The following DCDC2C variants were observed in gnomAD, a reference collection of about 807,000 sequenced individuals.
DCDC2C encodes doublecortin domain-containing protein 2C.
Under a neutral mutation model 45.0 loss-of-function variants are expected in DCDC2C, and 44 were observed. The observed-to-expected ratio is 0.98, with a 90% CI of 0.77 to 1.26. The LOEUF (loss-of-function observed/expected upper bound fraction) is 1.26, where lower values mean the gene tolerates loss of function less well. DCDC2C is among the 50% of genes most tolerant of loss of function. The pLI is 0.00. For missense variants in DCDC2C, 447 were observed against 468.9 expected, an observed-to-expected ratio of 0.95 and a Z score of 0.43; for synonymous variants, 187 against 178.8, an observed-to-expected ratio of 1.05 and a Z score of -0.37.
chr2:3,841,294 G>A (rs542362450), intron 10 of DCDC2C, among the ~76,000 whole-genome samples: 6 of 146,394 alleles, frequency 4.1e-5, no homozygotes, highest in East Asian at 2.0e-4. Flanking sequence ...ACAGACGCAC[G>A]GCAAGGAACG....
At chr2:3,742,190 T>G (rs1052289646) in intron 4 of DCDC2C, 142 bp downstream of exon 4, 11 of 1,052,824 alleles carry the variant, frequency 1.0e-5, no homozygotes, top group Admixed American at 7.0e-5. Flanking sequence ...CAGATAGTAT[T>G]TTCTCAGTCT....
intron 2 of DCDC2C, among the ~76,000 whole-genome samples, chr2:3,725,329 A>AG (rs1285039706): frequency 6.6e-6 from 1 of 151,734 alleles, no homozygotes; most frequent in African/African-American, 2.4e-5. Flanking sequence ...GTTGTGCAGC[A>AG]GAGGCCCCGG....
At chr2:3,781,272 C>G (rs1331736315) in intron 9 of DCDC2C, among the ~76,000 whole-genome samples, 1 of 152,240 alleles carries the variant, frequency 6.6e-6, no homozygotes, top group Non-Finnish European at 1.5e-5. Context: ...AACTGTAGTT[C>G]ACTTGGCATT....
In DCDC2C at chr2:3,713,863, C is replaced by G. The variant is rs1471342278; in HGVS notation, c.339+5263C>G. On this transcript the variant is annotated intron_variant, in intron 2 of 10. Coordinates refer to ENST00000399143, the MANE Select transcript of DCDC2C (RefSeq NM_001287444.2). ...GCAAGAGCTCAATAAGTAGTTAGTG[C>G]TATTATTATTCATAATGCCTTTAAA... 2.6e-5 allele frequency among the ~76,000 whole-genome samples: 4 copies of G among 152,338 alleles called. No individual in the cohort carries two copies. The East Asian group carries it at 7.7e-4, about 29-fold the overall frequency.
chr2:3,743,088 G>T (rs1483075615), intron 4 of DCDC2C, among the ~76,000 whole-genome samples: 1 of 152,192 alleles, frequency 6.6e-6, no homozygotes, highest in East Asian at 1.9e-4. Flanking sequence ...AACCAAAAGA[G>T]AACAGGGGCA....
intron 9 of DCDC2C, among the ~76,000 whole-genome samples, chr2:3,783,779 C>A (rs1388411494): frequency 6.6e-6 from 1 of 152,072 alleles, no homozygotes; most frequent in Admixed American, 6.5e-5. Context: ...GTAGAGGGGA[C>A]TAAAGATGAA....
At chr2:3,842,590 T>C (rs1047703288) in intron 10 of DCDC2C, among the ~76,000 whole-genome samples, 1 of 147,760 alleles carries the variant, frequency 6.8e-6, no homozygotes, top group Non-Finnish European at 1.5e-5. Context: ...CAGACAAGGT[T>C]CAGCTTTTAA....
intron 10 of DCDC2C, among the ~76,000 whole-genome samples, chr2:3,819,179 C>A (rs78397229): frequency 0.021 from 3,184 of 152,266 alleles, 128 homozygotes; most frequent in African/African-American, 0.073. Context: ...GCTGCTAAGC[C>A]AAGATCTGGG....
intron 4 of DCDC2C, among the ~76,000 whole-genome samples, chr2:3,745,841 T>C (rs113561549): frequency 1.3e-3 from 192 of 152,080 alleles, no homozygotes; most frequent in African/African-American, 4.3e-3. Context: ...TCCTGAGTAG[T>C]TGGGACTACA....
In DCDC2C at chr2:3,819,352, C is replaced by T. The variant is rs148702509; in HGVS notation, c.1066-27802C>T. On this transcript the variant is annotated intron_variant, in intron 10 of 10. Transcript: ENST00000399143. ...TTCCTTGGCCCAGTGGCCAGATATC[C>T]GGCACTTGAAGCAAGATCCTGGTGG... is the stretch of plus-strand genomic sequence containing the variant. Among the ~76,000 whole-genome samples, 1,194 of 152,322 alleles carry T rather than the reference C, an allele frequency of 7.8e-3. 14 individuals carry two copies. Among genetic ancestry groups the T allele is most frequent in the African/African-American group, 0.028 (1,143 of 41,554 alleles).
chr2:3,749,249 G>A (rs1294022461), intron 4 of DCDC2C, among the ~76,000 whole-genome samples: 2 of 152,070 alleles, frequency 1.3e-5, no homozygotes, highest in Non-Finnish European at 2.9e-5. Flanking sequence ...GTTGCATTTA[G>A]TGCTCACATT....
At chr2:3,749,467 A>T (rs989031454) in intron 4 of DCDC2C, among the ~76,000 whole-genome samples, 4 of 152,228 alleles carry the variant, frequency 2.6e-5, no homozygotes, top group African/African-American at 9.7e-5. Flanking sequence ...AACATCACAT[A>T]CAGGCTCACA....
chr2:3,786,736 G>A (rs926759246), intron 10 of DCDC2C, among the ~76,000 whole-genome samples: 1 of 152,274 alleles, frequency 6.6e-6, no homozygotes, highest in Non-Finnish European at 1.5e-5. Context: ...TCGTGTGGAT[G>A]TGCAGGCAGC....
In DCDC2C at chr2:3,741,873, C is replaced by T. The variant is rs1489354280; in HGVS notation, c.417-47C>T. ...ATATATTGAATTTTCAATGTTTCCC[C>T]CTCAAACTTAAGGTATTAATGGATG... On this transcript the variant is annotated intron_variant, in intron 3 of 10. Coordinates refer to ENST00000399143, the MANE Select transcript of DCDC2C (RefSeq NM_001287444.2). 13 of 1,502,070 alleles carry T rather than the reference C, an allele frequency of 8.7e-6. No homozygotes were observed. The East Asian group carries it at 2.0e-4, about 23-fold the overall frequency. The allele number at this position is 1,502,070 out of a possible 1,614,324, so 93.0% of individuals were successfully genotyped here.
intron 6 of DCDC2C, among the ~76,000 whole-genome samples, chr2:3,754,874 G>A (rs933185004): frequency 3.3e-5 from 5 of 152,220 alleles, no homozygotes; most frequent in Non-Finnish European, 7.3e-5. Context: ...ACACACATAG[G>A]TATTTATAAT....
At chr2:3,794,510 C>T (rs1670905781) in intron 10 of DCDC2C, among the ~76,000 whole-genome samples, 1 of 152,072 alleles carries the variant, frequency 6.6e-6, no homozygotes. Context: ...TGCTATCCCT[C>T]CCCGCTCCCC....
chr2:3,830,950 C>T (rs766512962), intron 10 of DCDC2C, among the ~76,000 whole-genome samples: 1 of 152,146 alleles, frequency 6.6e-6, no homozygotes, highest in Non-Finnish European at 1.5e-5. Context: ...TAAACACAGC[C>T]TTTCTTCAGT....
rs1330599724 is a variant in DCDC2C at position 3,818,017 on chromosome 2, A to C, written c.1066-29137A>C. On this transcript the variant is annotated intron_variant, in intron 10 of 10. Coordinates refer to ENST00000399143, the MANE Select transcript of DCDC2C (RefSeq NM_001287444.2). The surrounding 1 kb of genome is among the most constrained non-coding windows in gnomAD (Gnocchi z 4.7). ...CAGGGAGAGCATGTGTGTTTTCATG[A>C]AGAATTATGCCAAAATAGATAATGG... is the stretch of plus-strand genomic sequence containing the variant. Among the ~76,000 whole-genome samples, 1 of 152,136 alleles carries C rather than the reference A, an allele frequency of 6.6e-6. No individual in the cohort carries two copies. Among genetic ancestry groups the C allele is most frequent in the Non-Finnish European group, 1.5e-5 (1 of 68,028 alleles).
At position 3,703,772 on chromosome 2, in the gene DCDC2C, C is replaced by T. The variant is rs916241423; in HGVS notation, c.21C>T (p.Ser7=). 12 of 1,235,046 alleles carry T rather than the reference C, an allele frequency of 9.7e-6. No homozygotes were observed. The African/African-American group carries it at 1.7e-4, about 18-fold the overall frequency. The allele number at this position is 1,235,046 out of a possible 1,614,324, so 76.5% of individuals were successfully genotyped here. A position where few individuals can be genotyped will look rare whatever the true frequency, so the allele number is the denominator to read the frequency against. MGTRGP[S]APVDTTPAKT... is the part of the protein sequence containing the mutation. ...CGGCTATGGGAACCCGCGGGCCCTC[C>T]GCGCCGGTGGACACCACGCCCGCCA... Residue 7 remains serine (S), a synonymous_variant, in exon 1 of 11, where the codon TCC becomes TCT. Coordinates refer to ENST00000399143, the MANE Select transcript of DCDC2C (RefSeq NM_001287444.2). The surrounding 1 kb of genome is among the most constrained non-coding windows in gnomAD (Gnocchi z 4.4).
Sources: gnomAD v4.1 joint callset for allele counts (sites outside exome capture counted in the v4.1 genomes callset) on GRCh38, gnomAD v4.1.1 for gene constraint, Gnocchi (gnomAD v3.1) non-coding constraint, MANE v1.5 for transcripts, NCBI Gene and HGNC (gene_info 2026-07-23, HGNC 2026-07-21) for gene names.